Variants in DYNC2H1 observed in about 807,000 individuals in gnomAD.
DYNC2H1 encodes the protein dynein cytoplasmic 2 heavy chain 1.
In DYNC2H1, 410 loss-of-function variants were observed where a neutral mutation model predicts 570.0. The observed-to-expected ratio is 0.72, with a 90% CI of 0.66 to 0.78. The LOEUF (loss-of-function observed/expected upper bound fraction) is 0.78. Among genes scored for constraint, DYNC2H1 ranks in the 30% least tolerant of loss-of-function variants. DYNC2H1 has a pLI of 0.00. For missense variants in DYNC2H1, 4,865 were observed against 5,046.4 expected (o/e 0.96, Z 1.09); for synonymous variants, 1,688 against 1,677.6 (o/e 1.01, Z -0.15).
intron 55 of DYNC2H1, among the ~76,000 whole-genome samples, chr11:103,218,737 G>A (rs935480077): frequency 1.3e-5 from 2 of 152,088 alleles, no homozygotes; most frequent in African/African-American, 2.4e-5. Flanking sequence ...TTTTCTCTGC[G>A]CTGTTCTGAG....
chr11:103,257,581 A>G (rs752115162), intron 68 of DYNC2H1, 27 bp from the exon 69 acceptor site: 5 of 1,596,492 alleles, frequency 3.1e-6, no homozygotes, highest in East Asian at 2.3e-5. Context: ...TTTCCACCCT[A>G]TCCCCTACTG....
intron 70 of DYNC2H1, among the ~76,000 whole-genome samples, chr11:103,279,889 G>C (rs981449942): frequency 2.0e-5 from 3 of 152,106 alleles, no homozygotes; most frequent in Admixed American, 6.6e-5. Context: ...GTTCACTACA[G>C]TTTCCTGTTT....
Position 103,156,458 on chromosome 11 carries a change from T to C in DYNC2H1, c.3815T>C (p.Val1272Ala), listed in dbSNP as rs760316158. The change falls in exon 26 of 89, where the codon GTT becomes GCT. Residue 1272 changes from valine to alanine, a missense_variant. Transcript: ENST00000375735. ...EALRELDLWG[V>A]GAVFTLIDYE... The stretch of plus-strand genomic sequence containing the variant: ...TTACGTGAACTTGATCTTTGGGGAG[T>C]TGGAGCAGTGTTTACATTAATTGAT... 4.3e-6 allele frequency: 7 copies of C among 1,613,398 alleles called. No individual in the cohort carries two copies. The highest frequency in any genetic ancestry group is 1.7e-5 in the Admixed American group (1 of 59,936).
chr11:103,181,896 C>T lies in DYNC2H1; in HGVS notation c.6477+10C>T, dbSNP rs987139357. On this transcript the variant is annotated intron_variant, in intron 40 of 88. Coordinates refer to ENST00000375735, the MANE Select transcript of DYNC2H1 (RefSeq NM_001377.3). This position sits in a 1 kb window ranked among gnomAD's most constrained non-coding sequence, Gnocchi z 5.0. ...ATGGGTTCTAAAGCAGGTAAATTAA[C>T]CATAATATTTCATAATTAATCGAGG... The T allele has an allele frequency of 4.4e-6, 7 of 1,598,114 alleles. No homozygotes were observed. Among genetic ancestry groups the T allele is most frequent in the Non-Finnish European group, 6.0e-6 (7 of 1,171,952 alleles).
chr11:103,290,394 C>T (rs1001384709), intron 75 of DYNC2H1, among the ~76,000 whole-genome samples: 1 of 152,136 alleles, frequency 6.6e-6, no homozygotes, highest in African/African-American at 2.4e-5. Flanking sequence ...GAGGAAATGT[C>T]ACTATTTATT....
chr11:103,426,502 T>G (rs1943677771), intron 84 of DYNC2H1, among the ~76,000 whole-genome samples: 2 of 152,216 alleles, frequency 1.3e-5, no homozygotes, highest in Non-Finnish European at 1.5e-5. Flanking sequence ...GTGAAAATAT[T>G]GTCAATAATT....
intron 76 of DYNC2H1, among the ~76,000 whole-genome samples, chr11:103,303,500 A>C (rs1867138267): frequency 6.6e-6 from 1 of 152,104 alleles, no homozygotes; most frequent in Non-Finnish European, 1.5e-5. Flanking sequence ...TAAAATCACA[A>C]AGGTTTTTTA....
intron 87 of DYNC2H1, among the ~76,000 whole-genome samples, chr11:103,460,129 C>T (rs892426435): frequency 2.0e-5 from 3 of 151,992 alleles, no homozygotes; most frequent in Non-Finnish European, 4.4e-5. Flanking sequence ...GCTGGGATTA[C>T]AGGCACATAC....
At chr11:103,218,542 G>A (rs942662778) in intron 55 of DYNC2H1, among the ~76,000 whole-genome samples, 8 of 152,194 alleles carry the variant, frequency 5.3e-5, no homozygotes, top group African/African-American at 1.9e-4. Context: ...TAAAAGAGTT[G>A]TTTGAAATAT....
At chr11:103,136,349 A>G (rs942492026) in intron 17 of DYNC2H1, among the ~76,000 whole-genome samples, 2 of 151,720 alleles carry the variant, frequency 1.3e-5, no homozygotes, top group Non-Finnish European at 2.9e-5. Flanking sequence ...ACCATTAGGT[A>G]TATCTCCTAA....
Position 103,129,294 on chromosome 11 carries a change from T to C in DYNC2H1, c.1953+289T>C, listed in dbSNP as rs2134750700. Among the ~76,000 whole-genome samples, 1 of 152,358 alleles carries C rather than the reference T, an allele frequency of 6.6e-6. No homozygotes were observed. The highest frequency in any genetic ancestry group is 2.1e-4 in the South Asian group (1 of 4,834). ...TATCCTCTGAAGTTTGAGGTCCTTA[T>C]ACACAAGCTTCCTTAGACCTTTCCC... On this transcript the variant is annotated intron_variant, in intron 13 of 88. Transcript: ENST00000375735. The surrounding 1 kb of genome is among the most constrained non-coding windows in gnomAD (Gnocchi z 4.1).
chr11:103,415,360 A>C (rs1271782261), intron 84 of DYNC2H1, among the ~76,000 whole-genome samples: 1 of 152,218 alleles, frequency 6.6e-6, no homozygotes, highest in African/African-American at 2.4e-5. Flanking sequence ...CACCAAAAGA[A>C]ACTACCATCA....
chr11:103,280,106 C>T lies in DYNC2H1; in HGVS notation c.10696-242C>T, dbSNP rs1403274000. On this transcript the variant is annotated intron_variant, in intron 70 of 88. Coordinates refer to ENST00000375735, the MANE Select transcript of DYNC2H1 (RefSeq NM_001377.3). The surrounding 1 kb of genome is among the most constrained non-coding windows in gnomAD (Gnocchi z 4.7). Reference sequence around the variant, plus strand: ...TTGTTTTGTTTTTTAATGACATGGGCCCACTGCATAATTGTTAGTGCTTTC... The same window carrying T: ...TTGTTTTGTTTTTTAATGACATGGGTCCACTGCATAATTGTTAGTGCTTTC... Among the ~76,000 whole-genome samples the T allele has an allele frequency of 6.6e-6, 1 of 152,040 alleles. No homozygotes were observed. The highest frequency in any genetic ancestry group is 2.4e-5 in the African/African-American group (1 of 41,410).
chr11:103,170,428 T>A lies in DYNC2H1; in HGVS notation c.5151+138T>A. ...GACAGAATTTGTTTAAATTGAAATGTAAAATGGACAGAGGTTGTACGTAGT... is the reference window on the plus strand; with the variant it reads ...GACAGAATTTGTTTAAATTGAAATGAAAAATGGACAGAGGTTGTACGTAGT... On this transcript the variant is annotated intron_variant, in intron 33 of 88. Coordinates refer to ENST00000375735, the MANE Select transcript of DYNC2H1 (RefSeq NM_001377.3). The surrounding 1 kb of genome is among the most constrained non-coding windows in gnomAD (Gnocchi z 4.8). The A allele has an allele frequency of 1.1e-6, 1 of 932,206 alleles. No homozygotes were observed. Among genetic ancestry groups the A allele is most frequent in the Non-Finnish European group, 1.5e-6 (1 of 661,320 alleles). 57.7% of individuals were successfully genotyped at this position (932,206 alleles called of 1,614,324 possible).
intron 85 of DYNC2H1, among the ~76,000 whole-genome samples, chr11:103,448,450 G>C (rs1172381711): frequency 6.6e-6 from 1 of 152,060 alleles, no homozygotes; most frequent in Admixed American, 6.6e-5. Context: ...CTACAAAATG[G>C]TTAGAATCTT....
chr11:103,223,259 G>A (rs534874587), intron 59 of DYNC2H1, among the ~76,000 whole-genome samples, 173 bp downstream of exon 59: 1 of 150,072 alleles, frequency 6.7e-6, no homozygotes, highest in Non-Finnish European at 1.5e-5. Flanking sequence ...AAAAAAGAAA[G>A]CAATTAGAAG....
intron 29 of DYNC2H1, among the ~76,000 whole-genome samples, chr11:103,161,700 G>A (rs1011090322): frequency 4.3e-4 from 65 of 152,160 alleles, no homozygotes; most frequent in Non-Finnish European, 7.5e-4. Flanking sequence ...ATACATTTTA[G>A]TTGTCTTTAC....
In DYNC2H1 at chr11:103,465,217, AAG is replaced by A. The variant is rs759379282; in HGVS notation, c.12649-3366_12649-3365del. Among the ~76,000 whole-genome samples the A allele has an allele frequency of 7.4e-4, 113 of 152,212 alleles. 3 individuals are homozygous for A. The highest frequency in any genetic ancestry group is 1.5e-4 in the Non-Finnish European group (10 of 68,014). On this transcript the variant is annotated intron_variant, in intron 87 of 88. Coordinates refer to ENST00000375735, the MANE Select transcript of DYNC2H1 (RefSeq NM_001377.3). This position sits in a 1 kb window ranked among gnomAD's most constrained non-coding sequence, Gnocchi z 4.9. ...TGTAAACATATTAATCCTACCAATT[AAG>A]AGAGATTATCAGACTGGGGAAAAAA...
chr11:103,242,996 C>CTT (rs1488921785), intron 63 of DYNC2H1, among the ~76,000 whole-genome samples: 4 of 152,024 alleles, frequency 2.6e-5, no homozygotes, highest in Non-Finnish European at 5.9e-5. Flanking sequence ...CCACACCGGG[C>CTT]CTGACTTCCT....
Sources: gnomAD v4.1 joint callset for allele counts (sites outside exome capture counted in the v4.1 genomes callset) on GRCh38, gnomAD v4.1.1 for gene constraint, Gnocchi (gnomAD v3.1) non-coding constraint, MANE v1.5 for transcripts, NCBI Gene and HGNC (gene_info 2026-07-23, HGNC 2026-07-21) for gene names.